RANBP2: variants seen among roughly 807,000 people sequenced by gnomAD.
RANBP2 encodes E3 SUMO-protein ligase RanBP2.
Under a neutral mutation model 303.6 loss-of-function variants are expected in RANBP2, and 57 were observed. The observed-to-expected ratio is 0.19, with a 90% CI of 0.15 to 0.23. RANBP2 has a LOEUF of 0.23. Among genes scored for constraint, RANBP2 ranks in the 10% least tolerant of loss-of-function variants. The pLI, the probability that RANBP2 is intolerant of heterozygous loss-of-function variation, is 1.00. For synonymous variants in RANBP2, 1,167 were observed against 1,301.5 expected, an observed-to-expected ratio of 0.90 and a Z score of 2.23; for missense variants, 3,138 against 3,780.8, an observed-to-expected ratio of 0.83 and a Z score of 4.46.
At chr2:109,187,720 C>G in the RANBP2 span, among the ~76,000 whole-genome samples, 1 of 152,156 alleles carries the variant, frequency 6.6e-6, no homozygotes, top group Non-Finnish European at 1.5e-5. Flanking sequence ...ATATATTCTC[C>G]TTGTTAAGTG....
At chr2:109,631,234 G>A in the RANBP2 span, among the ~76,000 whole-genome samples, 1 of 151,380 alleles carries the variant, frequency 6.6e-6, no homozygotes, top group Non-Finnish European at 1.5e-5. Context: ...CGAGATAAGG[G>A]ATAAGTCACC....
the RANBP2 span, among the ~76,000 whole-genome samples, chr2:109,699,679 T>C: frequency 6.6e-6 from 1 of 152,166 alleles, no homozygotes; most frequent in Non-Finnish European, 1.5e-5. Flanking sequence ...GTTGGTTGCG[T>C]TGTCTCAAGG....
the RANBP2 span, among the ~76,000 whole-genome samples, chr2:109,716,262 T>A: frequency 6.6e-6 from 1 of 152,246 alleles, no homozygotes; most frequent in East Asian, 1.9e-4. Context: ...AAAAATTTAT[T>A]TATTTTTTGA....
chr2:108,756,097 A>G (rs968617435), intron 17 of RANBP2, among the ~76,000 whole-genome samples: 3 of 152,212 alleles, frequency 2.0e-5, no homozygotes, highest in African/African-American at 7.2e-5. Context: ...CTTCAAAGGT[A>G]GAAACTGTTT....
At chr2:109,630,185 C>T in the RANBP2 span, among the ~76,000 whole-genome samples, 3 of 151,904 alleles carry the variant, frequency 2.0e-5, no homozygotes, top group Non-Finnish European at 4.4e-5. Context: ...TATATGTGCA[C>T]ATATATATAT....
the RANBP2 span, among the ~76,000 whole-genome samples, chr2:108,898,188 G>A: frequency 2.0e-5 from 3 of 152,162 alleles, no homozygotes; most frequent in African/African-American, 4.8e-5. Flanking sequence ...AAGGCTGAGT[G>A]GGGAGCCTAG....
At chr2:109,615,224 ATCGGTGGCC>A in the RANBP2 span, 805 of 1,547,220 alleles carry the variant, frequency 5.2e-4, 7 homozygotes, top group Middle Eastern at 0.015. Flanking sequence ...CAGACAGCGC[ATCGGTGGCC>A]TCGTCGTCCG....
the RANBP2 span, among the ~76,000 whole-genome samples, chr2:109,069,031 A>G: frequency 6.6e-6 from 1 of 152,376 alleles, no homozygotes; most frequent in African/African-American, 2.4e-5. Flanking sequence ...TCTTGAGACA[A>G]GAAAAGGAGC....
At chr2:108,798,816 T>TACCCAC in the RANBP2 span, among the ~76,000 whole-genome samples, 1 of 131,556 alleles carries the variant, frequency 7.6e-6, no homozygotes, top group African/African-American at 2.8e-5. Flanking sequence ...TCTCCACACC[T>TACCCAC]ACACACACAC....
the RANBP2 span, among the ~76,000 whole-genome samples, chr2:109,473,118 C>T: frequency 4.6e-5 from 7 of 152,226 alleles, no homozygotes; most frequent in East Asian, 1.9e-4. Context: ...GGCATTTAAT[C>T]GCCCCTCATT....
the RANBP2 span, among the ~76,000 whole-genome samples, chr2:109,235,839 A>G: frequency 6.6e-6 from 1 of 152,200 alleles, no homozygotes; most frequent in African/African-American, 2.4e-5. Context: ...CCTCTCCTAC[A>G]TGCTTGACTG....
intron 25 of RANBP2, among the ~76,000 whole-genome samples, chr2:108,780,957 C>T (rs1398077804): frequency 6.6e-6 from 1 of 152,040 alleles, no homozygotes; most frequent in Non-Finnish European, 1.5e-5. Context: ...GATGCGCTCA[C>T]CTCGGCCTCA....
the RANBP2 span, among the ~76,000 whole-genome samples, chr2:109,267,489 A>C: frequency 6.6e-6 from 1 of 152,170 alleles, no homozygotes; most frequent in Non-Finnish European, 1.5e-5. Flanking sequence ...AGTGTTGCTG[A>C]GACACAGGTG....
chr2:109,519,475 A>G, the RANBP2 span, among the ~76,000 whole-genome samples: 1 of 152,160 alleles, frequency 6.6e-6, no homozygotes, highest in Non-Finnish European at 1.5e-5. Context: ...ATTGACCTGT[A>G]TGTCATCCTG....
At chr2:108,817,513 G>A in the RANBP2 span, among the ~76,000 whole-genome samples, 1 of 151,944 alleles carries the variant, frequency 6.6e-6, no homozygotes, top group African/African-American at 2.4e-5. Flanking sequence ...GGATAGTCTT[G>A]ATCTCTCGAC....
At chr2:109,643,862 C>T in the RANBP2 span, among the ~76,000 whole-genome samples, 5 of 152,048 alleles carry the variant, frequency 3.3e-5, no homozygotes, top group Non-Finnish European at 4.4e-5. Flanking sequence ...GTGGCTCACA[C>T]CTGTAATCCC....
At chr2:108,794,550 AACTAAT>A in the RANBP2 span, 1 of 1,597,542 alleles carries the variant, frequency 6.3e-7, no homozygotes, top group Non-Finnish European at 8.5e-7. Flanking sequence ...TTGCCTTGCC[AACTAAT>A]ACGACCTCAT....
chr2:109,210,753 T>C, the RANBP2 span, among the ~76,000 whole-genome samples: 65,641 of 152,040 alleles, frequency 0.43, 17,002 homozygotes, highest in East Asian at 0.8. Flanking sequence ...AAGGGAGAAA[T>C]GCTGTGAATT....
the RANBP2 span, among the ~76,000 whole-genome samples, chr2:109,591,821 C>A: frequency 6.6e-6 from 1 of 152,188 alleles, no homozygotes; most frequent in African/African-American, 2.4e-5. Context: ...TTGCTTGAAC[C>A]TGGGAGGTGT....
Sources: allele counts gnomAD v4.1 joint callset (sites outside exome capture counted in the v4.1 genomes callset), GRCh38; gene constraint gnomAD v4.1.1; transcripts MANE v1.5; gene names NCBI Gene and HGNC (gene_info 2026-07-23, HGNC 2026-07-21).